The following XKR9 variants were observed in gnomAD, a reference collection of about 807,000 sequenced individuals.
XKR9 encodes XK related 9, also known as XK-related protein 9.
In XKR9, 32 loss-of-function variants were observed where a neutral mutation model predicts 32.0. The observed-to-expected ratio is 1.00, with a 90% CI of 0.76 to 1.34. The LOEUF (loss-of-function observed/expected upper bound fraction) is 1.34, where lower values mean the gene tolerates loss of function less well. Ranked by LOEUF, XKR9 falls within the 40% of genes most tolerant of loss-of-function variation. XKR9 has a pLI of 0.00. For missense variants in XKR9, 546 were observed against 429.7 expected (o/e 1.27, Z -2.39); for synonymous variants, 168 against 143.4 (o/e 1.17, Z -1.22).
At chr8:70,736,177 C>G (rs1320101360), downstream of XKR9, among the ~76,000 whole-genome samples, 1 of 152,066 alleles carries the variant, frequency 6.6e-6, no homozygotes, top group Non-Finnish European at 1.5e-5. Flanking sequence ...GAGATGGTAT[C>G]TCATTGTGGT....
the XKR9 span, among the ~76,000 whole-genome samples, chr8:70,948,661 TC>T: frequency 3.9e-5 from 6 of 152,198 alleles, no homozygotes; most frequent in Non-Finnish European, 1.5e-5. Context: ...GTCAATGAGA[TC>T]TTTATTCTCC....
chr8:70,732,443 C>A (rs181955016), intron 4 of XKR9, among the ~76,000 whole-genome samples: 1 of 152,322 alleles, frequency 6.6e-6, no homozygotes, highest in Admixed American at 6.5e-5. Flanking sequence ...TCCAAGAGAA[C>A]TAGGCAGCCA....
the XKR9 span, among the ~76,000 whole-genome samples, chr8:70,911,194 T>C: frequency 1.3e-5 from 2 of 152,212 alleles, no homozygotes; most frequent in African/African-American, 4.8e-5. Context: ...TTGGGTGACA[T>C]TTTTAGAATC....
chr8:70,861,015 T>G, the XKR9 span, among the ~76,000 whole-genome samples: 3 of 152,200 alleles, frequency 2.0e-5, no homozygotes, highest in African/African-American at 4.8e-5. Flanking sequence ...ATTGTCTGTC[T>G]TCTCTTTCCT....
chr8:70,804,478 A>C, the XKR9 span, among the ~76,000 whole-genome samples: 1 of 152,224 alleles, frequency 6.6e-6, no homozygotes, highest in African/African-American at 2.4e-5. Context: ...AAGTGGGATG[A>C]TCACTAAATT....
At chr8:70,996,167 T>A in the XKR9 span, among the ~76,000 whole-genome samples, 1 of 152,242 alleles carries the variant, frequency 6.6e-6, no homozygotes, top group Non-Finnish European at 1.5e-5. Context: ...ATGTGATGTA[T>A]GACAAGCACA....
At chr8:70,975,020 G>A in the XKR9 span, among the ~76,000 whole-genome samples, 3 of 152,052 alleles carry the variant, frequency 2.0e-5, no homozygotes, top group African/African-American at 7.2e-5. Context: ...TGTGTCTTTT[G>A]GCTGCATAGA....
the XKR9 span, among the ~76,000 whole-genome samples, chr8:70,884,065 G>A: frequency 6.6e-6 from 1 of 152,034 alleles, no homozygotes; most frequent in Non-Finnish European, 1.5e-5. Context: ...TCAGTGTTTG[G>A]GGTTTTAGCT....
intron 2 of XKR9, among the ~76,000 whole-genome samples, chr8:70,757,548 C>CATGT (rs57117853): frequency 0.06 from 9,061 of 150,280 alleles, 467 homozygotes; most frequent in African/African-American, 0.14. Flanking sequence ...CTTCTTTCAT[C>CATGT]ATGTATGTAT....
chr8:70,783,420 G>T (rs968091487), intron 2 of XKR9, among the ~76,000 whole-genome samples: 2 of 152,002 alleles, frequency 1.3e-5, no homozygotes, highest in African/African-American at 4.8e-5. Flanking sequence ...TAGAGATGGG[G>T]TTTCACCGTG....
the XKR9 span, among the ~76,000 whole-genome samples, chr8:70,818,111 T>C: frequency 1.3e-5 from 2 of 152,122 alleles, no homozygotes; most frequent in Non-Finnish European, 2.9e-5. Flanking sequence ...TTGACAATGG[T>C]ACATAGTTAA....
intron 2 of XKR9, among the ~76,000 whole-genome samples, chr8:70,748,179 G>T (rs754144693): frequency 1.3e-5 from 2 of 152,358 alleles, no homozygotes; most frequent in Admixed American, 6.5e-5. Context: ...AGCGGGGGAG[G>T]TGTGGCTGGG....
the XKR9 span, among the ~76,000 whole-genome samples, chr8:71,028,697 A>G: frequency 6.6e-6 from 1 of 152,238 alleles, no homozygotes; most frequent in African/African-American, 2.4e-5. Context: ...TTGTATACAT[A>G]TAACAAAACA....
chr8:71,037,234 G>A, the XKR9 span, among the ~76,000 whole-genome samples: 1 of 152,088 alleles, frequency 6.6e-6, no homozygotes, highest in African/African-American at 2.4e-5. Context: ...TTTAGAACAT[G>A]TAAATTTCTA....
the XKR9 span, among the ~76,000 whole-genome samples, chr8:70,809,836 G>C: frequency 6.6e-6 from 1 of 152,188 alleles, no homozygotes; most frequent in Non-Finnish European, 1.5e-5. Flanking sequence ...AAAGTGACAG[G>C]GAGAATGGAA....
the XKR9 span, among the ~76,000 whole-genome samples, chr8:70,822,188 A>G: frequency 1.3e-5 from 2 of 152,204 alleles, no homozygotes; most frequent in Non-Finnish European, 2.9e-5. Flanking sequence ...TTCTTCATAC[A>G]TATCAACCTG....
chr8:70,945,899 G>A, the XKR9 span, among the ~76,000 whole-genome samples: 4 of 152,176 alleles, frequency 2.6e-5, no homozygotes, highest in Non-Finnish European at 5.9e-5. Context: ...CACTTTGTGC[G>A]GCCGAGGTGG....
chr8:70,738,841 G>T (rs1806911286), downstream of XKR9, among the ~76,000 whole-genome samples: 1 of 152,156 alleles, frequency 6.6e-6, no homozygotes, highest in Non-Finnish European at 1.5e-5. Context: ...GAGACAGTTT[G>T]TTATAATTTC....
chr8:70,885,840 C>T, the XKR9 span, among the ~76,000 whole-genome samples: 2,549 of 152,196 alleles, frequency 0.017, 59 homozygotes, highest in African/African-American at 0.058. Context: ...TCATGATATG[C>T]CCACCTTGGC....
Sources: allele counts gnomAD v4.1 joint callset (sites outside exome capture counted in the v4.1 genomes callset), GRCh38; gene constraint gnomAD v4.1.1; transcripts MANE v1.5; gene names NCBI Gene and HGNC (gene_info 2026-07-23, HGNC 2026-07-21).